The following ZZZ3 variants were observed in gnomAD, a reference collection of about 807,000 sequenced individuals.
The protein encoded by ZZZ3 is zinc finger ZZ-type containing 3.
In ZZZ3, 22 loss-of-function variants were observed where a neutral mutation model predicts 95.2. The observed-to-expected ratio is 0.23, with a 90% confidence interval of 0.17 to 0.33. ZZZ3 has a LOEUF of 0.33. Ranked by LOEUF, ZZZ3 falls within the 10% of genes least tolerant of loss-of-function variation. ZZZ3 has a pLI of 1.00. For synonymous variants in ZZZ3, 335 were observed against 358.9 expected (o/e 0.93, Z 0.75); for missense variants, 885 against 1,066.5 (o/e 0.83, Z 2.37).
At chr1:77,587,856 G>A (rs571925358) in intron 5 of ZZZ3, among the ~76,000 whole-genome samples, 3 of 152,292 alleles carry the variant, frequency 2.0e-5, no homozygotes, top group East Asian at 1.9e-4. Flanking sequence ...CCTACTCAAC[G>A]TGAGGACAAT....
chr1:77,662,149 G>A (rs541794018), intron 1 of ZZZ3, among the ~76,000 whole-genome samples: 9 of 151,996 alleles, frequency 5.9e-5, no homozygotes, highest in East Asian at 1.9e-4. Context: ...AAGTAGCTGC[G>A]ACTACAGGCA....
At chr1:77,671,996 T>G (rs1241857066) in intron 1 of ZZZ3, among the ~76,000 whole-genome samples, 1 of 152,174 alleles carries the variant, frequency 6.6e-6, no homozygotes, top group Admixed American at 6.5e-5. Context: ...AAAGGGATGA[T>G]TCACATAACA....
At chr1:77,672,304 A>G (rs1336706605) in intron 1 of ZZZ3, among the ~76,000 whole-genome samples, 3 of 152,208 alleles carry the variant, frequency 2.0e-5, no homozygotes, top group African/African-American at 7.2e-5. Flanking sequence ...AGAATCCTCT[A>G]GTGGTTTAGT....
At position 77,632,630 on chromosome 1, in the gene ZZZ3, T is replaced by A. The variant is rs889468890; in HGVS notation, c.725A>T (p.Asn242Ile). ...YVLQEKSVAE[N>I]GDTDTQTSMF... ...TGAAGTTTGGGTATCCGTATCCCCA[T>A]TTTCAGCTACTGATTTTTCCTGTAA... Residue 242 changes from asparagine to isoleucine, a missense_variant, in exon 5 of 15, where the codon AAT (asparagine) becomes ATT (isoleucine). Around this residue, in one of 5 missense-constraint regions of ZZZ3, gnomAD observed 556 missense variants for 652.9 expected, o/e 0.85. Transcript: ENST00000370801. 1 of 1,614,094 alleles carries A rather than the reference T, an allele frequency of 6.2e-7. No individual in the cohort carries two copies.
intron 1 of ZZZ3, among the ~76,000 whole-genome samples, chr1:77,654,627 G>A (rs969180725): frequency 9.2e-5 from 14 of 151,930 alleles, no homozygotes; most frequent in African/African-American, 1.9e-4. Context: ...AAACAAAACC[G>A]AAAAGAAAAA....
At chr1:77,597,147 A>C (rs1664290424) in intron 5 of ZZZ3, among the ~76,000 whole-genome samples, 1 of 152,068 alleles carries the variant, frequency 6.6e-6, no homozygotes, top group Non-Finnish European at 1.5e-5. Flanking sequence ...AAAAAACAAC[A>C]AAAAAAGACA....
At chr1:77,672,423 G>C (rs983468571) in intron 1 of ZZZ3, among the ~76,000 whole-genome samples, 1 of 152,200 alleles carries the variant, frequency 6.6e-6, no homozygotes, top group Non-Finnish European at 1.5e-5. Flanking sequence ...ACTGTATTGA[G>C]AACTATTGAT....
chr1:77,644,118 T>A (rs890352176), intron 1 of ZZZ3, among the ~76,000 whole-genome samples: 29 of 151,726 alleles, frequency 1.9e-4, no homozygotes, highest in African/African-American at 7.0e-4. Flanking sequence ...CAGGCTGGAG[T>A]GCAACGGTGC....
chr1:77,665,802 G>C (rs955956370), intron 1 of ZZZ3, among the ~76,000 whole-genome samples: 3 of 152,144 alleles, frequency 2.0e-5, no homozygotes, highest in African/African-American at 7.2e-5. Flanking sequence ...CAGCACTTTG[G>C]GAGGCCGAGG....
intron 1 of ZZZ3, among the ~76,000 whole-genome samples, chr1:77,667,739 T>C (rs2101040789): frequency 6.6e-6 from 1 of 151,708 alleles, no homozygotes; most frequent in African/African-American, 2.4e-5. Flanking sequence ...ATTAATCTTA[T>C]ATACCATTAG....
chr1:77,600,926 G>A (rs1664671518), intron 5 of ZZZ3, among the ~76,000 whole-genome samples: 1 of 152,150 alleles, frequency 6.6e-6, no homozygotes, highest in African/African-American at 2.4e-5. Context: ...TTTAACCTGA[G>A]TTTTCAGTCA....
intron 1 of ZZZ3, among the ~76,000 whole-genome samples, chr1:77,655,402 C>T (rs752744839): frequency 1.3e-5 from 2 of 152,144 alleles, no homozygotes; most frequent in Admixed American, 6.5e-5. Context: ...ATTACCTTTA[C>T]TTTGATTGGG....
At chr1:77,655,911 G>C (rs893867967) in intron 1 of ZZZ3, among the ~76,000 whole-genome samples, 11 of 152,192 alleles carry the variant, frequency 7.2e-5, no homozygotes, top group Non-Finnish European at 1.6e-4. Context: ...ACTTGAAAAT[G>C]ATTATTGGAC....
At chr1:77,591,117 CT>C (rs1360088268) in intron 5 of ZZZ3, among the ~76,000 whole-genome samples, 2 of 152,062 alleles carry the variant, frequency 1.3e-5, no homozygotes, top group African/African-American at 4.8e-5. Flanking sequence ...ATTAAACATA[CT>C]GAAAACAACC....
At chr1:77,642,152 T>C (rs1408506928) in intron 1 of ZZZ3, among the ~76,000 whole-genome samples, 2 of 152,172 alleles carry the variant, frequency 1.3e-5, no homozygotes, top group Admixed American at 6.5e-5. Context: ...ATAAATGTTA[T>C]TTAAAATAAA....
At position 77,579,598 on chromosome 1, in the gene ZZZ3, G is replaced by A. The variant is rs775686434; in HGVS notation, c.2011C>T (p.Pro671Ser). The A allele has an allele frequency of 1.3e-6, 2 of 1,580,376 alleles. No individual in the cohort carries two copies. Among genetic ancestry groups the A allele is most frequent in the South Asian group, 1.2e-5 (1 of 85,824 alleles). ...CGTCGAGATTCTACTTCTTCAGGAGGGTATTTGATGAGTAGCTGTTCCAGC... is the reference window on the plus strand; with the variant it reads ...CGTCGAGATTCTACTTCTTCAGGAGAGTATTTGATGAGTAGCTGTTCCAGC... ...KKLEQLLIKY[P>S]PEEVESRRWQ... Residue 671 changes from proline to serine, a missense_variant, in exon 10 of 15, where the codon CCT becomes TCT. Coordinates refer to ENST00000370801, the MANE Select transcript of ZZZ3 (RefSeq NM_015534.6).
rs1000128976 is a variant in ZZZ3, at chr1:77,563,211, G to A, written c.*2429C>T. The A allele has an allele frequency of 1.3e-5, 2 of 152,148 alleles. No individual in the cohort carries two copies. Among genetic ancestry groups the A allele is most frequent in the African/African-American group, 2.4e-5 (1 of 41,412 alleles). 9.4% of individuals were successfully genotyped at this position (152,148 alleles called of 1,614,324 possible). A position where few individuals can be genotyped will look rare whatever the true frequency, so the allele number is the denominator to read the frequency against. ...TATCAGGAAATAGATCTTATCTACTGAATACCACTGAATAAGCAATGCTTT... is the reference window on the plus strand; with the variant it reads ...TATCAGGAAATAGATCTTATCTACTAAATACCACTGAATAAGCAATGCTTT... On this transcript the variant is annotated 3_prime_UTR_variant, in exon 15 of 15. Transcript: ENST00000370801.
At chr1:77,570,947 G>A (rs1362408455) in intron 12 of ZZZ3, among the ~76,000 whole-genome samples, 1 of 148,948 alleles carries the variant, frequency 6.7e-6, no homozygotes, top group East Asian at 2.0e-4. Context: ...TGGGATTACA[G>A]CATGAGCCAC....
At chr1:77,642,368 C>T (rs1668856468) in intron 1 of ZZZ3, among the ~76,000 whole-genome samples, 2 of 152,134 alleles carry the variant, frequency 1.3e-5, no homozygotes. Context: ...AAGAAAGCAG[C>T]GTATGAATGG....
Sources: allele counts gnomAD v4.1 joint callset (sites outside exome capture counted in the v4.1 genomes callset), GRCh38; gene constraint gnomAD v4.1.1; regional missense constraint gnomAD v4.1.1; transcripts MANE v1.5; gene names NCBI Gene and HGNC (gene_info 2026-07-23, HGNC 2026-07-21).